ATRNL1: variants seen among roughly 807,000 people sequenced by gnomAD.
The protein encoded by ATRNL1 is attractin-like protein 1.
Under a neutral mutation model 182.7 loss-of-function variants are expected in ATRNL1, and 95 were observed. The ratio of observed to expected loss-of-function variants is 0.52; its 90% CI spans 0.44 to 0.62. The LOEUF is 0.62. Among genes scored for constraint, ATRNL1 ranks in the 20% least tolerant of loss-of-function variants. The probability of loss-of-function intolerance (pLI) is 0.00; values close to 1 mark genes in which losing one functional copy is unlikely to be tolerated. For synonymous variants in ATRNL1, 576 were observed against 568.3 expected (o/e 1.01, Z -0.19); for missense variants, 1,471 against 1,679.5 (o/e 0.88, Z 2.17).
intron 26 of ATRNL1, among the ~76,000 whole-genome samples, chr10:115,641,059 A>G (rs1555030195): frequency 6.6e-6 from 1 of 152,106 alleles, no homozygotes; most frequent in Non-Finnish European, 1.5e-5. Context: ...AAAGGTAGGA[A>G]CAAAATGCAG....
chr10:115,288,678 C>G (rs188470683), intron 15 of ATRNL1, among the ~76,000 whole-genome samples: 2 of 151,854 alleles, frequency 1.3e-5, no homozygotes, highest in Non-Finnish European at 2.9e-5. Flanking sequence ...TGTGCCACCA[C>G]GCCCAGCTAA....
At chr10:115,598,419 A>C (rs1856398368) in intron 26 of ATRNL1, among the ~76,000 whole-genome samples, 1 of 148,436 alleles carries the variant, frequency 6.7e-6, no homozygotes. Flanking sequence ...GCTGGGGTGC[A>C]GAGGCGTGAT....
At chr10:115,463,183 C>A (rs564768733) in intron 22 of ATRNL1, among the ~76,000 whole-genome samples, 2 of 151,816 alleles carry the variant, frequency 1.3e-5, no homozygotes, top group South Asian at 4.2e-4. Context: ...ACTGGACTTG[C>A]TGACAACTAA....
intron 26 of ATRNL1, among the ~76,000 whole-genome samples, chr10:115,643,181 A>G (rs1427838147): frequency 6.6e-6 from 1 of 152,206 alleles, no homozygotes; most frequent in Non-Finnish European, 1.5e-5. Flanking sequence ...CATATATATG[A>G]TCAACTGATT....
chr10:115,870,104 A>G (rs1477397282), intron 28 of ATRNL1, among the ~76,000 whole-genome samples: 2 of 151,536 alleles, frequency 1.3e-5, no homozygotes, highest in African/African-American at 4.9e-5. Context: ...TATGAACCAT[A>G]CTTAGGTTTA....
At chr10:115,280,478 C>G (rs1204004519) in intron 13 of ATRNL1, among the ~76,000 whole-genome samples, 1 of 152,150 alleles carries the variant, frequency 6.6e-6, no homozygotes, top group African/African-American at 2.4e-5. Context: ...GCTTTCATGT[C>G]TAGGATGTCA....
chr10:115,550,945 T>C (rs1852951833), intron 26 of ATRNL1, among the ~76,000 whole-genome samples: 1 of 151,770 alleles, frequency 6.6e-6, no homozygotes, highest in Non-Finnish European at 1.5e-5. Flanking sequence ...ATCTGATCTC[T>C]AAAATTTATA....
chr10:115,906,624 T>A (rs1555114614), intron 28 of ATRNL1, among the ~76,000 whole-genome samples: 1 of 152,200 alleles, frequency 6.6e-6, no homozygotes, highest in African/African-American at 2.4e-5. Context: ...CAATTTTAAC[T>A]GTAAGTGGGT....
chr10:115,354,024 A>T (rs139888912), intron 19 of ATRNL1, among the ~76,000 whole-genome samples: 1 of 152,194 alleles, frequency 6.6e-6, no homozygotes, highest in Non-Finnish European at 1.5e-5. Flanking sequence ...ACACACCACA[A>T]TTGTTGCACT....
chr10:115,383,518 T>G (rs1021539298), intron 19 of ATRNL1, among the ~76,000 whole-genome samples: 1 of 151,908 alleles, frequency 6.6e-6, no homozygotes, highest in Non-Finnish European at 1.5e-5. Flanking sequence ...TGCGTTTATG[T>G]TTGTAAGTTT....
chr10:115,424,729 A>T (rs111925058), intron 20 of ATRNL1, among the ~76,000 whole-genome samples: 24 of 152,224 alleles, frequency 1.6e-4, no homozygotes, highest in African/African-American at 5.5e-4. Context: ...GACTGATCTC[A>T]TACAAGTTGA....
intron 20 of ATRNL1, among the ~76,000 whole-genome samples, chr10:115,416,154 A>C (rs551677322): frequency 3.9e-4 from 60 of 152,184 alleles, no homozygotes; most frequent in South Asian, 3.3e-3. Context: ...TATTCTGATG[A>C]TGTTGAGGTG....
chr10:115,197,746 A>C (rs1407740678), intron 8 of ATRNL1, among the ~76,000 whole-genome samples: 5 of 152,158 alleles, frequency 3.3e-5, no homozygotes, highest in Non-Finnish European at 7.4e-5. Flanking sequence ...CCCCCTAAAC[A>C]CAAGTTTTGC....
chr10:115,798,830 C>CTTTTTT, intron 27 of ATRNL1, among the ~76,000 whole-genome samples: 1 of 110,344 alleles, frequency 9.1e-6, no homozygotes, highest in South Asian at 2.8e-4. Flanking sequence ...TTTCTTTTTT[C>CTTTTTT]TTTTTTTTTT....
chr10:115,664,348 T>C (rs186109372), intron 26 of ATRNL1, among the ~76,000 whole-genome samples: 20 of 152,312 alleles, frequency 1.3e-4, no homozygotes, highest in African/African-American at 4.8e-4. Flanking sequence ...CAATTATGAA[T>C]CTCAAATGTA....
intron 26 of ATRNL1, among the ~76,000 whole-genome samples, chr10:115,690,939 T>C (rs1728348659): frequency 6.6e-6 from 1 of 152,134 alleles, no homozygotes; most frequent in South Asian, 2.1e-4. Flanking sequence ...TGAATTACGC[T>C]TTACCTACAA....
intron 25 of ATRNL1, among the ~76,000 whole-genome samples, chr10:115,543,385 G>GA (rs1159342871): frequency 6.6e-6 from 1 of 151,886 alleles, no homozygotes; most frequent in African/African-American, 2.4e-5. Flanking sequence ...TCGTTTGTAA[G>GA]AAAAAATCCT....
At chr10:115,296,189 G>A (rs922013235) in intron 15 of ATRNL1, among the ~76,000 whole-genome samples, 2 of 152,130 alleles carry the variant, frequency 1.3e-5, no homozygotes, top group Admixed American at 1.3e-4. Context: ...CGAAGTCACT[G>A]CTGATCCTAA....
chr10:115,610,220 G>A (rs1441185930), intron 26 of ATRNL1, among the ~76,000 whole-genome samples: 5 of 152,136 alleles, frequency 3.3e-5, no homozygotes, highest in African/African-American at 1.2e-4. Flanking sequence ...GGGTGTCACT[G>A]TTTTAGAAAC....
Sources: allele counts gnomAD v4.1 joint callset (sites outside exome capture counted in the v4.1 genomes callset), GRCh38; gene constraint gnomAD v4.1.1; transcripts MANE v1.5; gene names NCBI Gene and HGNC (gene_info 2026-07-23, HGNC 2026-07-21).